CFAP91: variants seen among roughly 807,000 people sequenced by gnomAD.
CFAP91 encodes the protein cilia- and flagella-associated protein 91.
Under a neutral mutation model 95.9 loss-of-function variants are expected in CFAP91, and 85 were observed. The ratio of observed to expected loss-of-function variants is 0.89; its 90% CI spans 0.74 to 1.06. The LOEUF is 1.06. CFAP91 is among the 50% of genes least tolerant of loss of function. The probability of loss-of-function intolerance (pLI) is 0.00; values close to 1 mark genes in which losing one functional copy is unlikely to be tolerated. For missense variants in CFAP91, 962 were observed against 943.4 expected (o/e 1.02, Z -0.26); for synonymous variants, 335 against 327.5 (o/e 1.02, Z -0.25).
chr3:119,739,340 A>C lies in CFAP91; in HGVS notation c.1533+14A>C. The C allele has an allele frequency of 6.2e-7, 1 of 1,612,112 alleles. No individual in the cohort carries two copies. The highest frequency in any genetic ancestry group is 8.5e-7 in the Non-Finnish European group (1 of 1,178,306). The stretch of plus-strand genomic sequence containing the variant: ...GTTCAGAACATGGTGTGTAGGTCCA[A>C]CCGCTGGCCCTGCATTTCTCTTTTG... On this transcript the variant is annotated intron_variant, in intron 12 of 17. Coordinates refer to ENST00000273390, the MANE Select transcript of CFAP91 (RefSeq NM_033364.4).
intron 6 of CFAP91, among the ~76,000 whole-genome samples, chr3:119,719,049 T>C (rs1442007942): frequency 6.6e-6 from 1 of 152,124 alleles, no homozygotes; most frequent in Non-Finnish European, 1.5e-5. Context: ...CCATCAACCA[T>C]AGAATGGATG....
chr3:119,726,328 C>T lies in CFAP91; in HGVS notation c.840C>T (p.Phe280=), dbSNP rs1279268997. The T allele has an allele frequency of 6.2e-7, 1 of 1,612,596 alleles. No individual in the cohort carries two copies. The highest frequency in any genetic ancestry group is 1.1e-5 in the South Asian group (1 of 90,782). ...MNEMERKEWA[F]REQEIEKLQE... Reference sequence around the variant, plus strand: ...AAATGGAGAGGAAGGAGTGGGCCTTCAGAGAGCAGGAGATTGAAAAGTAGG... The same window carrying T: ...AAATGGAGAGGAAGGAGTGGGCCTTTAGAGAGCAGGAGATTGAAAAGTAGG... The change falls in exon 7 of 18, where the codon TTC becomes TTT. Residue 280 remains phenylalanine, a synonymous_variant. Coordinates refer to ENST00000273390, the MANE Select transcript of CFAP91 (RefSeq NM_033364.4).
chr3:119,714,912 T>A (rs537903405), intron 5 of CFAP91, among the ~76,000 whole-genome samples: 49 of 152,380 alleles, frequency 3.2e-4, no homozygotes, highest in African/African-American at 1.2e-3. Flanking sequence ...TATTGACTTA[T>A]GTTTCCTGTT....
intron 10 of CFAP91, among the ~76,000 whole-genome samples, chr3:119,736,268 G>GTTTTTTTTTT (rs770777389): frequency 1.1e-4 from 9 of 85,324 alleles, no homozygotes; most frequent in African/African-American, 1.5e-4. Flanking sequence ...TCTTTCTATT[G>GTTTTTTTTTT]TTTTTTTTTT....
Position 119,747,832 on chromosome 3 carries a change from G to A in CFAP91, c.2073G>A (p.Glu691=). Reference sequence around the variant, plus strand: ...TTAGCCGAACCTATCTTCAGTCAGAGGAGATTGTTGCTGAGTTGGTTTATA... The same window carrying A: ...TTAGCCGAACCTATCTTCAGTCAGAAGAGATTGTTGCTGAGTTGGTTTATA... ...MESRRTYLQS[E]EIVAELVYSF... The change falls in exon 16 of 18, where the codon GAG becomes GAA. Residue 691 remains glutamate (E), a synonymous_variant. Coordinates refer to ENST00000273390, the MANE Select transcript of CFAP91 (RefSeq NM_033364.4). 1 of 1,613,294 alleles carries A rather than the reference G, an allele frequency of 6.2e-7. No homozygotes were observed. The highest frequency in any genetic ancestry group is 8.5e-7 in the Non-Finnish European group (1 of 1,179,690).
chr3:119,735,574 A>G lies in CFAP91; in HGVS notation c.1345-1792A>G, dbSNP rs76696313. On this transcript the variant is annotated intron_variant, in intron 10 of 17. Coordinates refer to ENST00000273390, the MANE Select transcript of CFAP91 (RefSeq NM_033364.4). Reference sequence around the variant, plus strand: ...TCTCATTAACCTCTAACTCAATTGCATTGTGATCAGAGGTCATAGTCTGTG... The same window carrying G: ...TCTCATTAACCTCTAACTCAATTGCGTTGTGATCAGAGGTCATAGTCTGTG... 6.9e-3 allele frequency among the ~76,000 whole-genome samples: 1,056 copies of G among 152,284 alleles called. 9 individuals are homozygous for G. The highest frequency in any genetic ancestry group is 8.9e-3 in the Non-Finnish European group (607 of 68,034).
chr3:119,721,192 C>A (rs1413030389), intron 6 of CFAP91, among the ~76,000 whole-genome samples: 1 of 152,152 alleles, frequency 6.6e-6, no homozygotes, highest in Non-Finnish European at 1.5e-5. Context: ...TGTTGCAATA[C>A]CAGAAAGCCA....
intron 17 of CFAP91, among the ~76,000 whole-genome samples, chr3:119,754,880 C>G (rs2054395437): frequency 6.6e-6 from 1 of 152,162 alleles, no homozygotes; most frequent in South Asian, 2.1e-4. Context: ...TGTTGCCACC[C>G]CAGTGGGCTT....
At position 119,715,756 on chromosome 3, in the gene CFAP91, A is replaced by G. The variant is rs780746493; in HGVS notation, c.682+13A>G. ...ACGCTTACTTGGGGTGAGTTGGTAAATCTCCTGACTATTGGCAGATGACGA... is the reference window on the plus strand; with the variant it reads ...ACGCTTACTTGGGGTGAGTTGGTAAGTCTCCTGACTATTGGCAGATGACGA... On this transcript the variant is annotated intron_variant, in intron 6 of 17. Transcript: ENST00000273390. 6 of 1,611,280 alleles carry G rather than the reference A, an allele frequency of 3.7e-6. 1 individual carries two copies. In the South Asian group the frequency reaches 4.4e-5, roughly 12 times the overall value.
chr3:119,713,464 C>T (rs545102240), intron 5 of CFAP91, among the ~76,000 whole-genome samples: 3 of 149,604 alleles, frequency 2.0e-5, no homozygotes, highest in Non-Finnish European at 3.0e-5. Flanking sequence ...TTGCTGTGCT[C>T]GTATATAAGC....
rs751536588 is a variant in CFAP91, at chr3:119,707,548, CG to C, written c.348del (p.Gln117SerfsTer94). On this transcript the variant is annotated frameshift_variant, in exon 3 of 18. Transcript: ENST00000273390. LOFTEE classifies it high-confidence loss of function. ...GHKEKHREAL[R>X]QLTTTDASFQ... ...TAAGGAGAAACACAGAGAAGCCCTC[CG>C]GCAGCTCACCACGTAAGTGTCGGGT... 6.4e-7 allele frequency: 1 copy of C among 1,573,276 alleles called. No homozygotes were observed. The highest frequency in any genetic ancestry group is 2.3e-5 in the East Asian group (1 of 44,294).
At chr3:119,759,549 G>A (rs2054495193) in intron 17 of CFAP91, among the ~76,000 whole-genome samples, 1 of 151,856 alleles carries the variant, frequency 6.6e-6, no homozygotes, top group Non-Finnish European at 1.5e-5. Flanking sequence ...ACATATGAAA[G>A]TATAAAACTC....
rs769958826 is a variant in CFAP91 at position 119,707,428 on chromosome 3, A to G, written c.226A>G (p.Met76Val). The change falls in exon 3 of 18, where the codon ATG (methionine) becomes GTG (valine). Residue 76 changes from methionine to valine, a missense_variant. Transcript: ENST00000273390. ...RLRKVPRFKT[M>V]FSNLIHYPRY... The stretch of plus-strand genomic sequence containing the variant: ...GAGAAAAGTTCCCAGGTTTAAAACC[A>G]TGTTCAGTAACCTGATCCATTATCC... The G allele has an allele frequency of 1.4e-5, 22 of 1,575,006 alleles. No homozygotes were observed. The South Asian group carries it at 2.5e-4, about 18-fold the overall frequency.
At chr3:119,705,734 G>GTC (rs1577192759) in intron 1 of CFAP91, among the ~76,000 whole-genome samples, 1 of 152,004 alleles carries the variant, frequency 6.6e-6, no homozygotes, top group Non-Finnish European at 1.5e-5. Flanking sequence ...GTTGTTTGTT[G>GTC]TCTCTCTCTC....
intron 6 of CFAP91, among the ~76,000 whole-genome samples, chr3:119,723,469 T>C (rs938461290): frequency 6.6e-6 from 1 of 152,122 alleles, no homozygotes; most frequent in African/African-American, 2.4e-5. Context: ...CTAAATGTCA[T>C]TTGAGAAGAT....
At position 119,708,733 on chromosome 3, in the gene CFAP91, GATAATA is replaced by G. The variant is rs1173653489; in HGVS notation, c.443+66_443+71del. 3 of 1,003,324 alleles carry G rather than the reference GATAATA, an allele frequency of 3.0e-6. No homozygotes were observed. The Admixed American group carries it at 6.6e-5, about 22-fold the overall frequency. The allele number at this position is 1,003,324 out of a possible 1,614,324, so 62.2% of individuals were successfully genotyped here. A position where few individuals can be genotyped will look rare whatever the true frequency, so the allele number is the denominator to read the frequency against. ...TAATATTATTAGAGAACCTCTTTAT[GATAATA>G]ATAATAGTTATCATTTTTCAGTGCA... On this transcript the variant is annotated intron_variant, in intron 4 of 17. Coordinates refer to ENST00000273390, the MANE Select transcript of CFAP91 (RefSeq NM_033364.4).
chr3:119,703,251 G>A (rs1338823421), intron 1 of CFAP91, 29 bp downstream of exon 1: 4 of 1,608,374 alleles, frequency 2.5e-6, no homozygotes, highest in Non-Finnish European at 3.4e-6. Context: ...CTTCCTCCGC[G>A]TCCGTCGCCT....
chr3:119,732,245 A>G (rs762454369), intron 8 of CFAP91, 49 bp from the exon 9 acceptor site: 1 of 1,432,168 alleles, frequency 7.0e-7, no homozygotes, highest in South Asian at 1.3e-5. Context: ...TGCATTTGTA[A>G]TTCAGAACAA....
chr3:119,739,260 A>C lies in CFAP91; in HGVS notation c.1467A>C (p.Glu489Asp). ...TTCTCCCTTTGTTCTTTTAGGAAGA[A>C]GAAGAAATGGAAATGGCTGTGATCT... Reference protein sequence around the residue: ...TPTLEMTSNEEEEMEMAVIYL... With the variant: ...TPTLEMTSNEDEEMEMAVIYL... The change falls in exon 12 of 18, where the codon GAA becomes GAC. Residue 489 changes from glutamate (E) to aspartate (D), a missense_variant. Transcript: ENST00000273390. 1 of 1,614,094 alleles carries C rather than the reference A, an allele frequency of 6.2e-7. No individual in the cohort carries two copies. The highest frequency in any genetic ancestry group is 1.1e-5 in the South Asian group (1 of 91,088).
Sources: gnomAD v4.1 joint callset for allele counts (sites outside exome capture counted in the v4.1 genomes callset) on GRCh38, gnomAD v4.1.1 for gene constraint, MANE v1.5 for transcripts, NCBI Gene and HGNC (gene_info 2026-07-23, HGNC 2026-07-21) for gene names.